SLC35F1: variants seen among roughly 807,000 people sequenced by gnomAD.
The protein encoded by SLC35F1 is solute carrier family 35 member F1, also known as chromosome 6 open reading frame 169.
Under a neutral mutation model 48.7 loss-of-function variants are expected in SLC35F1, and 14 were observed. That is an observed-to-expected ratio of 0.29 (90% CI 0.19 to 0.45). SLC35F1 has a LOEUF of 0.45. SLC35F1 is among the 20% of genes least tolerant of loss of function. The pLI, the probability that SLC35F1 is intolerant of heterozygous loss-of-function variation, is 1.00. For missense variants in SLC35F1, 404 were observed against 500.0 expected, an observed-to-expected ratio of 0.81 and a Z score of 1.83; for synonymous variants, 190 against 202.2, an observed-to-expected ratio of 0.94 and a Z score of 0.51.
At chr6:118,001,729 A>G (rs972176040) in intron 1 of SLC35F1, among the ~76,000 whole-genome samples, 4 of 152,236 alleles carry the variant, frequency 2.6e-5, no homozygotes, top group Admixed American at 6.5e-5. Context: ...TCCAGAATGT[A>G]CAATGAACTC....
chr6:118,198,771 T>G (rs1184778928), intron 2 of SLC35F1, among the ~76,000 whole-genome samples: 2 of 152,214 alleles, frequency 1.3e-5, no homozygotes, highest in African/African-American at 2.4e-5. Flanking sequence ...ATATACACAT[T>G]GTTAAGCAGA....
chr6:118,260,678 C>G (rs1775701703), intron 3 of SLC35F1, among the ~76,000 whole-genome samples: 1 of 152,078 alleles, frequency 6.6e-6, no homozygotes, highest in African/African-American at 2.4e-5. Flanking sequence ...CTATATATGC[C>G]TTCACTGTCT....
At chr6:118,079,422 A>G (rs1772872846) in intron 1 of SLC35F1, among the ~76,000 whole-genome samples, 1 of 152,186 alleles carries the variant, frequency 6.6e-6, no homozygotes, top group East Asian at 1.9e-4. Flanking sequence ...GAGCCAGGTT[A>G]CTTTCATATT....
intron 1 of SLC35F1, among the ~76,000 whole-genome samples, chr6:118,072,713 G>C (rs1772753082): frequency 6.6e-6 from 1 of 152,150 alleles, no homozygotes; most frequent in Admixed American, 6.5e-5. Context: ...TAATACATTT[G>C]AAAGCGAATT....
chr6:118,239,425 G>T (rs1341335543), intron 3 of SLC35F1, among the ~76,000 whole-genome samples: 1 of 151,716 alleles, frequency 6.6e-6, no homozygotes, highest in Non-Finnish European at 1.5e-5. Context: ...CATTAGCCCA[G>T]AGTCAAAATG....
intron 2 of SLC35F1, among the ~76,000 whole-genome samples, chr6:118,223,534 T>A (rs1775178508): frequency 6.6e-6 from 1 of 152,170 alleles, no homozygotes; most frequent in Non-Finnish European, 1.5e-5. Flanking sequence ...TATAGGGTGG[T>A]AATTACATGA....
chr6:118,170,097 C>T (rs1476108345), intron 2 of SLC35F1, among the ~76,000 whole-genome samples: 1 of 152,144 alleles, frequency 6.6e-6, no homozygotes, highest in Non-Finnish European at 1.5e-5. Flanking sequence ...ATATTTCAGG[C>T]ACAAATTTTA....
intron 2 of SLC35F1, among the ~76,000 whole-genome samples, chr6:118,196,983 T>C (rs1475278925): frequency 6.6e-6 from 1 of 151,886 alleles, no homozygotes; most frequent in Admixed American, 6.6e-5. Flanking sequence ...GGTACCCTTG[T>C]TAAAAATTAC....
intron 1 of SLC35F1, among the ~76,000 whole-genome samples, chr6:118,031,513 G>A (rs9374702): frequency 0.33 from 50,770 of 152,044 alleles, 8,653 homozygotes; most frequent in South Asian, 0.47. Flanking sequence ...TGAAGAGCGA[G>A]TACTCTAAAA....
intron 1 of SLC35F1, among the ~76,000 whole-genome samples, chr6:117,974,249 A>G (rs1303319658): frequency 2.0e-5 from 3 of 152,210 alleles, no homozygotes; most frequent in Non-Finnish European, 4.4e-5. Flanking sequence ...GTTAGGTCTT[A>G]CTATTTAGGA....
At chr6:118,194,539 G>A (rs1338168819) in intron 2 of SLC35F1, among the ~76,000 whole-genome samples, 1 of 151,864 alleles carries the variant, frequency 6.6e-6, no homozygotes, top group Non-Finnish European at 1.5e-5. Flanking sequence ...CTTGAATAGC[G>A]AGCTTATGGG....
chr6:117,969,269 A>T (rs956241485), intron 1 of SLC35F1, among the ~76,000 whole-genome samples: 2 of 152,218 alleles, frequency 1.3e-5, no homozygotes, highest in African/African-American at 4.8e-5. Context: ...TTTAAACAAG[A>T]ATATATTTTT....
intron 1 of SLC35F1, among the ~76,000 whole-genome samples, chr6:118,050,379 C>CAAA (rs199829799): frequency 1.4e-5 from 2 of 139,534 alleles, no homozygotes; most frequent in African/African-American, 5.4e-5. Flanking sequence ...AATAAAATTT[C>CAAA]AAAAAAAAAA....
chr6:118,217,072 T>A (rs1047427905), intron 2 of SLC35F1, among the ~76,000 whole-genome samples: 9 of 152,208 alleles, frequency 5.9e-5, no homozygotes, highest in African/African-American at 2.2e-4. Context: ...GCTTCATTTA[T>A]CATTTGACTT....
intron 2 of SLC35F1, among the ~76,000 whole-genome samples, chr6:118,229,034 T>C (rs1775255236): frequency 6.6e-6 from 1 of 151,650 alleles, no homozygotes; most frequent in Non-Finnish European, 1.5e-5. Context: ...TGAACAAGAA[T>C]ACTATGAATC....
chr6:118,032,282 A>T (rs1477866900), intron 1 of SLC35F1, among the ~76,000 whole-genome samples: 1 of 152,154 alleles, frequency 6.6e-6, no homozygotes, highest in Non-Finnish European at 1.5e-5. Flanking sequence ...GTGGACATGG[A>T]AGGCACGAGA....
At chr6:117,988,431 G>A (rs553853432) in intron 1 of SLC35F1, among the ~76,000 whole-genome samples, 14 of 152,074 alleles carry the variant, frequency 9.2e-5, no homozygotes, top group Non-Finnish European at 1.8e-4. Context: ...AGCCATAGGA[G>A]ACTTTTCTTC....
rs2782487 is a variant in SLC35F1, at chr6:118,163,355, A to G, written c.349+8735A>G. ...ATGACTTATAGATGGAAGGAAATTG[A>G]CATGAATATGTAACACCATCTACTC... On this transcript the variant is annotated intron_variant, in intron 2 of 7. Coordinates refer to ENST00000360388, the MANE Select transcript of SLC35F1 (RefSeq NM_001029858.4). Among the ~76,000 whole-genome samples the G allele has an allele frequency of 9.7e-3, 1,477 of 152,210 alleles. 29 individuals carry two copies. The highest frequency in any genetic ancestry group is 0.034 in the African/African-American group (1,413 of 41,516).
chr6:118,189,729 G>A lies in SLC35F1; in HGVS notation c.349+35109G>A, dbSNP rs79389411. 7.2e-5 allele frequency among the ~76,000 whole-genome samples: 11 copies of A among 152,200 alleles called. No individual in the cohort carries two copies. In the South Asian group the frequency reaches 2.1e-3, roughly 29 times the overall value. On this transcript the variant is annotated intron_variant, in intron 2 of 7. Coordinates refer to ENST00000360388, the MANE Select transcript of SLC35F1 (RefSeq NM_001029858.4). ...TTAAGCAATAAATGTTTCACAAATC[G>A]GGCAGCCCCCAGAATCACAGAAGAT...
Sources: gnomAD v4.1 joint callset for allele counts (sites outside exome capture counted in the v4.1 genomes callset) on GRCh38, gnomAD v4.1.1 for gene constraint, MANE v1.5 for transcripts, NCBI Gene and HGNC (gene_info 2026-07-23, HGNC 2026-07-21) for gene names.